Variants in FCHSD2 observed in about 807,000 individuals in gnomAD.
The protein encoded by FCHSD2 is F-BAR and double SH3 domains protein 2.
FCHSD2 carries 38 observed loss-of-function variants against 108.1 expected under a neutral mutation model. The ratio of observed to expected loss-of-function variants is 0.35; its 90% CI spans 0.27 to 0.46. FCHSD2 has a LOEUF of 0.46. FCHSD2 is among the 20% of genes least tolerant of loss of function. FCHSD2 has a pLI of 1.00. For missense variants in FCHSD2, 751 were observed against 897.8 expected, an observed-to-expected ratio of 0.84 and a Z score of 2.09; for synonymous variants, 279 against 314.7, an observed-to-expected ratio of 0.89 and a Z score of 1.20.
chr11:72,966,263 A>G (rs549187515), intron 8 of FCHSD2, among the ~76,000 whole-genome samples: 2 of 151,444 alleles, frequency 1.3e-5, no homozygotes, highest in East Asian at 3.9e-4. Context: ...GGGTTCATGC[A>G]ATTCTCCTGT....
At chr11:72,931,673 G>A (rs1475742371) in intron 8 of FCHSD2, among the ~76,000 whole-genome samples, 1 of 151,956 alleles carries the variant, frequency 6.6e-6, no homozygotes, top group Non-Finnish European at 1.5e-5. Flanking sequence ...GTTGAGTTAG[G>A]AGAATTGCTT....
intron 2 of FCHSD2, among the ~76,000 whole-genome samples, chr11:73,111,764 G>T (rs749080820): frequency 1.7e-4 from 26 of 151,708 alleles, no homozygotes; most frequent in Non-Finnish European, 3.2e-4. Flanking sequence ...TCTGTTATAT[G>T]ATTTTTGATT....
At chr11:73,082,359 A>AG (rs1859714167) in intron 3 of FCHSD2, among the ~76,000 whole-genome samples, 1 of 147,814 alleles carries the variant, frequency 6.8e-6, no homozygotes, top group South Asian at 2.2e-4. Context: ...AAAAAAAAAA[A>AG]AAAGAAAAGA....
intron 8 of FCHSD2, among the ~76,000 whole-genome samples, chr11:72,978,701 G>A (rs927598398): frequency 6.6e-6 from 1 of 151,860 alleles, no homozygotes; most frequent in Non-Finnish European, 1.5e-5. Context: ...TTCCCCCTTC[G>A]CTTCCTCTCT....
chr11:73,068,826 A>G (rs1859360718), intron 3 of FCHSD2, among the ~76,000 whole-genome samples: 1 of 150,074 alleles, frequency 6.7e-6, no homozygotes, highest in African/African-American at 2.4e-5. Flanking sequence ...AAAAAAAAAA[A>G]AAAAAAGAAA....
At chr11:73,088,284 T>C (rs1859870670) in intron 2 of FCHSD2, among the ~76,000 whole-genome samples, 1 of 152,232 alleles carries the variant, frequency 6.6e-6, no homozygotes, top group South Asian at 2.1e-4. Context: ...TACAGTAACA[T>C]GTTGTACAGG....
intron 10 of FCHSD2, among the ~76,000 whole-genome samples, chr11:72,901,216 AC>A (rs565242262): frequency 1.3e-5 from 2 of 151,296 alleles, no homozygotes; most frequent in Non-Finnish European, 2.9e-5. Flanking sequence ...ACATGGTGAG[AC>A]CCCCCCATCT....
chr11:73,127,097 G>A (rs895827340), intron 2 of FCHSD2, among the ~76,000 whole-genome samples: 1 of 152,058 alleles, frequency 6.6e-6, no homozygotes, highest in South Asian at 2.1e-4. Flanking sequence ...CCAGTAAGAG[G>A]AAAAACAATT....
intron 12 of FCHSD2, among the ~76,000 whole-genome samples, chr11:72,871,436 T>C (rs904354209): frequency 6.6e-6 from 1 of 152,356 alleles, no homozygotes; most frequent in East Asian, 1.9e-4. Flanking sequence ...AAGTAATGCA[T>C]TCAGCTTCAT....
chr11:72,942,722 C>G (rs1477322327), intron 8 of FCHSD2, among the ~76,000 whole-genome samples: 1 of 152,068 alleles, frequency 6.6e-6, no homozygotes, highest in Non-Finnish European at 1.5e-5. Context: ...ATGGTATATG[C>G]TATGCTATTC....
chr11:72,994,801 G>C (rs1347551937), intron 5 of FCHSD2, among the ~76,000 whole-genome samples: 1 of 152,102 alleles, frequency 6.6e-6, no homozygotes, highest in Non-Finnish European at 1.5e-5. Flanking sequence ...AGTGCAAACT[G>C]TATCTTATAG....
At chr11:73,048,278 C>T (rs961145342) in intron 3 of FCHSD2, among the ~76,000 whole-genome samples, 1 of 152,160 alleles carries the variant, frequency 6.6e-6, no homozygotes, top group Non-Finnish European at 1.5e-5. Flanking sequence ...CATGTACCGA[C>T]ACACATATGG....
At chr11:73,053,412 A>G (rs1306797642) in intron 3 of FCHSD2, among the ~76,000 whole-genome samples, 1 of 152,184 alleles carries the variant, frequency 6.6e-6, no homozygotes, top group African/African-American at 2.4e-5. Context: ...TCTGAAAAAA[A>G]TCACTTGCTT....
At chr11:73,007,218 T>C (rs1408035931) in intron 4 of FCHSD2, among the ~76,000 whole-genome samples, 1 of 152,190 alleles carries the variant, frequency 6.6e-6, no homozygotes, top group Non-Finnish European at 1.5e-5. Flanking sequence ...TACAAAACCA[T>C]TCATCCATAT....
At chr11:73,055,344 A>G (rs1007818261) in intron 3 of FCHSD2, among the ~76,000 whole-genome samples, 2 of 17,046 alleles carry the variant, frequency 1.2e-4, no homozygotes, top group African/African-American at 2.0e-4. Context: ...CCCTGTCTCG[A>G]AAAAAAAAAA....
intron 3 of FCHSD2, among the ~76,000 whole-genome samples, chr11:73,054,258 A>G (rs1858969294): frequency 6.6e-6 from 1 of 151,946 alleles, no homozygotes; most frequent in African/African-American, 2.4e-5. Flanking sequence ...TCTGCTCTGG[A>G]TGGTTGAACA....
chr11:72,965,096 T>C lies in FCHSD2; in HGVS notation c.705+18992A>G, dbSNP rs570193344. On this transcript the variant is annotated intron_variant, in intron 8 of 19. Coordinates refer to ENST00000409418, the MANE Select transcript of FCHSD2 (RefSeq NM_014824.3). ...GAGCCACCGCGCCTGGCCAATCATT[T>C]TACTTCTTAATTCAAAGGTCTTTGA... 8.5e-5 allele frequency among the ~76,000 whole-genome samples: 13 copies of C among 152,228 alleles called. No individual in the cohort carries two copies. In the East Asian group the frequency reaches 2.5e-3, roughly 29 times the overall value.
At chr11:72,941,262 G>C (rs993941772) in intron 8 of FCHSD2, 6 of 190,048 alleles carry the variant, frequency 3.2e-5, no homozygotes, top group Admixed American at 5.6e-5. Flanking sequence ...ATGACACATA[G>C]AATGACAGTA....
At chr11:72,930,494 G>A (rs1174509330) in intron 8 of FCHSD2, among the ~76,000 whole-genome samples, 1 of 152,220 alleles carries the variant, frequency 6.6e-6, no homozygotes, top group East Asian at 1.9e-4. Flanking sequence ...GCTCACACCT[G>A]TAATCCCAGC....
Sources: allele counts gnomAD v4.1 joint callset (sites outside exome capture counted in the v4.1 genomes callset), GRCh38; gene constraint gnomAD v4.1.1; transcripts MANE v1.5; gene names NCBI Gene and HGNC (gene_info 2026-07-23, HGNC 2026-07-21).